The following FNBP4 variants were observed in gnomAD, a reference collection of about 807,000 sequenced individuals.
FNBP4 encodes formin-binding protein 4.
FNBP4 carries 34 observed loss-of-function variants against 119.3 expected under a neutral mutation model. The observed-to-expected ratio is 0.28, with a 90% CI of 0.22 to 0.38. FNBP4 has a LOEUF of 0.38. FNBP4 is among the 10% of genes least tolerant of loss of function. FNBP4 has a pLI of 1.00. For synonymous variants in FNBP4, 462 were observed against 430.6 expected (o/e 1.07, Z -0.90); for missense variants, 1,112 against 1,228.9 (o/e 0.90, Z 1.42).
intron 2 of FNBP4, among the ~76,000 whole-genome samples, chr11:47,755,109 G>A (rs886749522): frequency 1.3e-5 from 2 of 148,976 alleles, no homozygotes; most frequent in Non-Finnish European, 3.0e-5. Context: ...ACTCCACCCT[G>A]GGCAAAAGAG....
intron 2 of FNBP4, 72 bp from the exon 3 acceptor site, chr11:47,754,736 G>T: frequency 1.3e-6 from 2 of 1,512,196 alleles, no homozygotes; most frequent in Non-Finnish European, 1.8e-6. Context: ...TAAAGCGGAA[G>T]TATAACATGT....
At chr11:47,760,259 A>ATTTT (rs199885568) in intron 2 of FNBP4, among the ~76,000 whole-genome samples, 1 of 127,916 alleles carries the variant, frequency 7.8e-6, no homozygotes, top group Non-Finnish European at 1.6e-5. Flanking sequence ...TTGATCAAAC[A>ATTTT]TTTTTTTTTT....
At chr11:47,757,417 T>C (rs2097621637) in intron 2 of FNBP4, among the ~76,000 whole-genome samples, 1 of 152,030 alleles carries the variant, frequency 6.6e-6, no homozygotes, top group African/African-American at 2.4e-5. Flanking sequence ...TTTCACCGTG[T>C]TAGCCAGGAT....
Position 47,732,679 on chromosome 11 carries a change from AACAG to A in FNBP4, c.1687-13_1687-10del. ...CAGTCTGCAATTCGAGTCTAGAATA[AACAG>A]ACAAATAAGTTAAAGACTTATTATT... On this transcript the variant is annotated splice_polypyrimidine_tract_variant and intron_variant, in intron 10 of 16. Coordinates refer to ENST00000263773, the MANE Select transcript of FNBP4 (RefSeq NM_015308.5). This position sits in a 1 kb window ranked among gnomAD's most constrained non-coding sequence, Gnocchi z 4.2. The A allele has an allele frequency of 6.2e-7, 1 of 1,613,674 alleles. No individual in the cohort carries two copies. Among genetic ancestry groups the A allele is most frequent in the South Asian group, 1.1e-5 (1 of 91,074 alleles).
At position 47,750,381 on chromosome 11, in the gene FNBP4, CAAAAAAAAAAAAA is replaced by C. The variant is rs59583797; in HGVS notation, c.906+522_906+534del. Among the ~76,000 whole-genome samples, 9 of 24,754 alleles carry C rather than the reference CAAAAAAAAAAAAA, an allele frequency of 3.6e-4. No homozygotes were observed. The East Asian group carries it at 0.014, about 38-fold the overall frequency. 16.2% of individuals were successfully genotyped at this position (24,754 alleles called of 152,430 possible). ...TGGGCAACAGAGCGAGACTCCATAT[CAAAAAAAAAAAAA>C]AAAAAAAAAAAAAGGCCAGATGTGG... is the stretch of plus-strand genomic sequence containing the variant. On this transcript the variant is annotated intron_variant, in intron 6 of 16. Transcript: ENST00000263773.
Position 47,767,183 on chromosome 11 carries a change from C to G in FNBP4, c.106G>C (p.Asp36His). 1 of 1,559,814 alleles carries G rather than the reference C, an allele frequency of 6.4e-7. No homozygotes were observed. Among genetic ancestry groups the G allele is most frequent in the Non-Finnish European group, 8.6e-7 (1 of 1,158,338 alleles). Residue 36 changes from aspartate (D) to histidine (H), a missense_variant, in exon 1 of 17, where the codon GAC becomes CAC. Transcript: ENST00000263773. ...TPGRDPEPEP[D>H]TEPDSTAAVP... ...GCCGCGGTTGAGTCCGGCTCAGTGT[C>G]GGGTTCCGGCTCCGGGTCCCGGCCC...
chr11:47,735,322 G>C (rs1021083495), intron 9 of FNBP4, among the ~76,000 whole-genome samples: 4 of 152,152 alleles, frequency 2.6e-5, no homozygotes, highest in Non-Finnish European at 5.9e-5. Flanking sequence ...GCTGAAGCCT[G>C]AAACAAAATT....
At chr11:47,730,266 C>T in intron 12 of FNBP4, 2 of 981,650 alleles carry the variant, frequency 2.0e-6, no homozygotes, top group Non-Finnish European at 2.4e-6. Context: ...GAAAAATATT[C>T]AAAAGAAAAT....
At chr11:47,739,883 A>G (rs2097579391) in intron 8 of FNBP4, among the ~76,000 whole-genome samples, 1 of 152,050 alleles carries the variant, frequency 6.6e-6, no homozygotes, top group African/African-American at 2.4e-5. Flanking sequence ...GGTTCAAGCG[A>G]TTCTCCTGCC....
At chr11:47,721,425 C>G (rs1326029297) in intron 15 of FNBP4, among the ~76,000 whole-genome samples, 9 of 152,042 alleles carry the variant, frequency 5.9e-5, no homozygotes, top group Non-Finnish European at 1.0e-4. Flanking sequence ...AAACCCACCT[C>G]TACTAAAAAT....
In FNBP4 at chr11:47,738,985, G is replaced by A. The variant is rs540239055; in HGVS notation, c.1457-2245C>T. Among the ~76,000 whole-genome samples, 11 of 150,052 alleles carry A rather than the reference G, an allele frequency of 7.3e-5. No homozygotes were observed. In the South Asian group the frequency reaches 1.7e-3, roughly 23 times the overall value. ...CTCCCAAACCGCTGGGATTACAGAT[G>A]TGAGGCACGGCGCCTGGCTTTTTTT... On this transcript the variant is annotated intron_variant, in intron 8 of 16. Coordinates refer to ENST00000263773, the MANE Select transcript of FNBP4 (RefSeq NM_015308.5).
At chr11:47,744,513 C>G (rs2097586622) in intron 7 of FNBP4, among the ~76,000 whole-genome samples, 1 of 152,164 alleles carries the variant, frequency 6.6e-6, no homozygotes, top group Non-Finnish European at 1.5e-5. Context: ...ATCTCCTGCT[C>G]AGCCTCCCAA....
intron 8 of FNBP4, among the ~76,000 whole-genome samples, chr11:47,740,874 G>A (rs1301193978): frequency 2.0e-5 from 3 of 151,260 alleles, no homozygotes; most frequent in African/African-American, 7.4e-5. Flanking sequence ...ACAGGCATGA[G>A]CCACTGCACC....
At chr11:47,720,697 T>C (rs892472199) in intron 15 of FNBP4, among the ~76,000 whole-genome samples, 17 of 151,440 alleles carry the variant, frequency 1.1e-4, no homozygotes, top group African/African-American at 3.9e-4. Flanking sequence ...ATTGCCTTTA[T>C]CGCGTCTCAG....
intron 2 of FNBP4, among the ~76,000 whole-genome samples, chr11:47,760,427 T>C (rs2097631365): frequency 6.8e-6 from 1 of 146,890 alleles, no homozygotes; most frequent in African/African-American, 2.6e-5. Context: ...GTAATTTTTG[T>C]ATTTTTTTGT....
chr11:47,744,698 AC>A (rs1425345172), intron 7 of FNBP4, among the ~76,000 whole-genome samples: 3 of 152,242 alleles, frequency 2.0e-5, no homozygotes, highest in African/African-American at 7.2e-5. Context: ...GAATGGGATA[AC>A]CATCCCCTCA....
At chr11:47,744,294 GAC>G (rs749613428) in intron 7 of FNBP4, 131 bp from the exon 8 acceptor site, 431 of 781,556 alleles carry the variant, frequency 5.5e-4, no homozygotes, top group Non-Finnish European at 8.3e-4. Context: ...TTTTTTTGGA[GAC>G]AGGCTCTCCC....
chr11:47,753,502 T>A (rs1049506090), intron 3 of FNBP4, among the ~76,000 whole-genome samples: 4 of 152,038 alleles, frequency 2.6e-5, no homozygotes, highest in Admixed American at 6.6e-5. Context: ...TCTCAGCTAC[T>A]TGGGAGGCTG....
chr11:47,725,803 A>G (rs2097560315), intron 12 of FNBP4: 1 of 983,076 alleles, frequency 1.0e-6, no homozygotes, highest in Non-Finnish European at 1.2e-6. Context: ...ACTATTAGAT[A>G]TATATCCCAG....
Sources: gnomAD v4.1 joint callset for allele counts (sites outside exome capture counted in the v4.1 genomes callset) on GRCh38, gnomAD v4.1.1 for gene constraint, Gnocchi (gnomAD v3.1) non-coding constraint, MANE v1.5 for transcripts, NCBI Gene and HGNC (gene_info 2026-07-23, HGNC 2026-07-21) for gene names.